SNRPA1: variants seen among roughly 807,000 people sequenced by gnomAD.
The protein encoded by SNRPA1 is U2 small nuclear ribonucleoprotein A'.
Under a neutral mutation model 32.3 loss-of-function variants are expected in SNRPA1, and 5 were observed. The observed-to-expected ratio is 0.15, with a 90% confidence interval of 0.08 to 0.33. The LOEUF (loss-of-function observed/expected upper bound fraction) is 0.33, where lower values mean the gene tolerates loss of function less well. Ranked by LOEUF, SNRPA1 falls within the 10% of genes least tolerant of loss-of-function variation. The pLI, the probability that SNRPA1 is intolerant of heterozygous loss-of-function variation, is 1.00. For synonymous variants in SNRPA1, 111 were observed against 120.1 expected (o/e 0.92, Z 0.50); for missense variants, 198 against 311.1 (o/e 0.64, Z 2.74).
At chr15:101,290,610 T>G (rs2039513058) in intron 3 of SNRPA1, among the ~76,000 whole-genome samples, 1 of 151,764 alleles carries the variant, frequency 6.6e-6, no homozygotes, top group African/African-American at 2.4e-5. Context: ...CTTGCACTAT[T>G]GCCCAGACTG....
chr15:101,283,422 C>G (rs2039418789), intron 8 of SNRPA1, among the ~76,000 whole-genome samples: 2 of 151,558 alleles, frequency 1.3e-5, no homozygotes, highest in South Asian at 4.2e-4. Context: ...AAAAGTTAGC[C>G]ATGCTTGGTG....
chr15:101,291,727 C>T (rs1343288489), intron 3 of SNRPA1, among the ~76,000 whole-genome samples: 1 of 152,216 alleles, frequency 6.6e-6, no homozygotes, highest in Non-Finnish European at 1.5e-5. Context: ...ATTCATTGGA[C>T]TGCACCTAAA....
At chr15:101,286,781 C>A in intron 5 of SNRPA1, 127 bp downstream of exon 5, 1 of 604,286 alleles carries the variant, frequency 1.7e-6, no homozygotes, top group Non-Finnish European at 3.0e-6. Context: ...TAACATTTTC[C>A]CTCCCACTTT....
At chr15:101,287,067 G>T in intron 4 of SNRPA1, 57 bp from the exon 5 acceptor site, 2 of 894,634 alleles carry the variant, frequency 2.2e-6, no homozygotes, top group Non-Finnish European at 3.7e-6. Flanking sequence ...CACTCAAGAG[G>T]TCTGTTTGAA....
At position 101,286,194 on chromosome 15, in the gene SNRPA1, G is replaced by C; in HGVS notation, c.539+20C>G. The C allele has an allele frequency of 6.2e-7, 1 of 1,602,098 alleles. No individual in the cohort carries two copies. ...GTTTCTGAAGGTGAAGTAGAGTTAAGTTGGATATCCGTGTCTTACGTTTTG... is the reference window on the plus strand; with the variant it reads ...GTTTCTGAAGGTGAAGTAGAGTTAACTTGGATATCCGTGTCTTACGTTTTG... On this transcript the variant is annotated intron_variant, in intron 6 of 8. Transcript: ENST00000254193.
intron 8 of SNRPA1, among the ~76,000 whole-genome samples, chr15:101,284,389 T>C (rs75509813): frequency 0.031 from 4,650 of 152,236 alleles, 249 homozygotes; most frequent in African/African-American, 0.11. Flanking sequence ...TATATATAGG[T>C]AAAAGTCCAC....
chr15:101,294,226 G>A (rs1309384653), intron 1 of SNRPA1, among the ~76,000 whole-genome samples: 1 of 152,210 alleles, frequency 6.6e-6, no homozygotes, highest in African/African-American at 2.4e-5. Flanking sequence ...GAAAGAGCGA[G>A]ACTCCATCTC....
chr15:101,282,273 G>T (rs1293204407), intron 8 of SNRPA1, among the ~76,000 whole-genome samples: 1 of 152,052 alleles, frequency 6.6e-6, no homozygotes. Flanking sequence ...TGTATTCCAG[G>T]GGGAAAAAAA....
chr15:101,284,512 T>TTTC (rs1249984187), intron 8 of SNRPA1, among the ~76,000 whole-genome samples: 3 of 151,840 alleles, frequency 2.0e-5, no homozygotes, highest in Non-Finnish European at 4.4e-5. Context: ...AATACCTTTT[T>TTTC]TTTTTTTTTG....
chr15:101,283,872 G>A (rs151079297), intron 8 of SNRPA1, among the ~76,000 whole-genome samples: 2,574 of 152,336 alleles, frequency 0.017, 76 homozygotes, highest in African/African-American at 0.059. Context: ...CCCGGGAGGC[G>A]GAGGTTGGCG....
intron 7 of SNRPA1, 97 bp downstream of exon 7, chr15:101,285,629 A>C (rs185317234): frequency 3.7e-4 from 304 of 825,674 alleles, no homozygotes; most frequent in Non-Finnish European, 5.6e-4. Flanking sequence ...CTGTGGGAAA[A>C]TGAAATCTGC....
chr15:101,281,911 C>G, intron 8 of SNRPA1, 129 bp from the exon 9 acceptor site: 3 of 847,518 alleles, frequency 3.5e-6, no homozygotes, highest in Non-Finnish European at 5.8e-6. Context: ...AAAAGCAGCA[C>G]CTGCCTTTGA....
Position 101,293,181 on chromosome 15 carries a change from TG to T in SNRPA1, c.83-10del. On this transcript the variant is annotated splice_polypyrimidine_tract_variant and intron_variant, in intron 1 of 8. Transcript: ENST00000254193. ...GACGGGAATTTTATACCCTATAAAATGGAGGAAAAAAACACAAGAGGTATTA... is the reference window on the plus strand; with the variant it reads ...GACGGGAATTTTATACCCTATAAAATGAGGAAAAAAACACAAGAGGTATTA... The T allele has an allele frequency of 6.3e-7, 1 of 1,590,154 alleles. No homozygotes were observed. The highest frequency in any genetic ancestry group is 8.6e-7 in the Non-Finnish European group (1 of 1,166,192).
chr15:101,291,888 G>A (rs2039530332), intron 3 of SNRPA1, 74 bp downstream of exon 3: 1 of 914,580 alleles, frequency 1.1e-6, no homozygotes, highest in Non-Finnish European at 1.7e-6. Context: ...TCTAGATTTT[G>A]TAAATTTTCT....
At position 101,293,071 on chromosome 15, in the gene SNRPA1, A is replaced by G; in HGVS notation, c.184T>C (p.Leu62=). 6.2e-7 allele frequency: 1 copy of G among 1,613,088 alleles called. No homozygotes were observed. The highest frequency in any genetic ancestry group is 8.5e-7 in the Non-Finnish European group (1 of 1,179,450). ...NEIRKLDGFP[L]LRRLKTLLVN... Reference sequence around the variant, plus strand: ...AACAATGTTTTCAGTCTTCTCAACAAAGGAAAACCATCCAGTTTCCTGATC... The same window carrying G: ...AACAATGTTTTCAGTCTTCTCAACAGAGGAAAACCATCCAGTTTCCTGATC... Residue 62 remains leucine, a synonymous_variant, in exon 2 of 9, where the codon TTG becomes CTG. Coordinates refer to ENST00000254193, the MANE Select transcript of SNRPA1 (RefSeq NM_003090.4).
intron 8 of SNRPA1, among the ~76,000 whole-genome samples, chr15:101,282,393 C>A (rs2141304344): frequency 6.6e-6 from 1 of 152,358 alleles, no homozygotes; most frequent in Non-Finnish European, 1.5e-5. Flanking sequence ...CCATCCTGTG[C>A]AATACGGCAT....
chr15:101,291,835 C>T, intron 3 of SNRPA1, 127 bp downstream of exon 3: 1 of 608,352 alleles, frequency 1.6e-6, no homozygotes, highest in Non-Finnish European at 2.9e-6. Flanking sequence ...GGCCCAGATC[C>T]TGAATTAAGA....
chr15:101,285,181 T>C (rs2141306823), intron 7 of SNRPA1, 121 bp from the exon 8 acceptor site: 1 of 668,188 alleles, frequency 1.5e-6, no homozygotes. Flanking sequence ...GAACATTAAA[T>C]ACTTTGGTGT....
At chr15:101,293,304 G>C in intron 1 of SNRPA1, 132 bp from the exon 2 acceptor site, 1 of 582,914 alleles carries the variant, frequency 1.7e-6, no homozygotes. Context: ...TAGCACCTAT[G>C]TCGGGTCACG....
Sources: gnomAD v4.1 joint callset for allele counts (sites outside exome capture counted in the v4.1 genomes callset) on GRCh38, gnomAD v4.1.1 for gene constraint, MANE v1.5 for transcripts, NCBI Gene and HGNC (gene_info 2026-07-23, HGNC 2026-07-21) for gene names.